Variants in EPC1 observed in about 807,000 individuals in gnomAD.
The protein encoded by EPC1 is enhancer of polycomb homolog 1.
EPC1 carries 12 observed loss-of-function variants against 98.4 expected under a neutral mutation model. The ratio of observed to expected loss-of-function variants is 0.12; its 90% CI spans 0.08 to 0.20. The LOEUF (loss-of-function observed/expected upper bound fraction) is 0.20, where lower values mean the gene tolerates loss of function less well. EPC1 is among the 10% of genes least tolerant of loss of function. EPC1 has a pLI of 1.00. For missense variants in EPC1, 729 were observed against 990.5 expected, an observed-to-expected ratio of 0.74 and a Z score of 3.54; for synonymous variants, 357 against 363.9, an observed-to-expected ratio of 0.98 and a Z score of 0.21.
chr10:32,285,262 G>T, intron 9 of EPC1: 1 of 455,244 alleles, frequency 2.2e-6, no homozygotes, highest in Non-Finnish European at 3.8e-6. Flanking sequence ...TTCAACTAAA[G>T]ATTTTCACTT....
intron 1 of EPC1, among the ~76,000 whole-genome samples, chr10:32,357,918 G>A (rs937396183): frequency 7.3e-6 from 1 of 137,252 alleles, no homozygotes; most frequent in African/African-American, 2.8e-5. Flanking sequence ...GTAATGGCAT[G>A]ATCTCCACTC....
At chr10:32,301,338 A>T (rs373365068) in intron 2 of EPC1, among the ~76,000 whole-genome samples, 2 of 152,352 alleles carry the variant, frequency 1.3e-5, no homozygotes, top group South Asian at 4.1e-4. Context: ...AGATTCACAT[A>T]GAAAAGATGT....
chr10:32,288,386 C>T (rs1449794029), intron 6 of EPC1, among the ~76,000 whole-genome samples: 1 of 147,012 alleles, frequency 6.8e-6, no homozygotes, highest in African/African-American at 2.6e-5. Context: ...GCGGTATCAG[C>T]ACACTGCAAT....
chr10:32,269,360 T>G (rs1564515412), intron 13 of EPC1: 1 of 411,720 alleles, frequency 2.4e-6, no homozygotes. Flanking sequence ...CCATCAAAAT[T>G]ATAGTAGTAC....
intron 2 of EPC1, among the ~76,000 whole-genome samples, chr10:32,296,956 T>C (rs1396067277): frequency 1.3e-5 from 2 of 151,802 alleles, no homozygotes. Context: ...CTTGTTCATA[T>C]ATAGAATACC....
chr10:32,343,024 T>C (rs939618314), intron 1 of EPC1, among the ~76,000 whole-genome samples: 6 of 152,290 alleles, frequency 3.9e-5, no homozygotes, highest in Admixed American at 1.3e-4. Flanking sequence ...AAAGTTAACA[T>C]TGTAAAATAT....
chr10:32,286,803 G>A lies in EPC1; in HGVS notation c.1282C>T (p.Pro428Ser). 1.2e-6 allele frequency: 2 copies of A among 1,613,760 alleles called. No individual in the cohort carries two copies. Among genetic ancestry groups the A allele is most frequent in the South Asian group, 1.1e-5 (1 of 91,066 alleles). The change falls in exon 9 of 14, where the codon CCT becomes TCT. Residue 428 changes from proline to serine, a missense_variant. Physicochemically the swap from Pro to Ser is moderately conservative, Grantham distance 74 (BLOSUM62 -1). Coordinates refer to ENST00000319778, the MANE Select transcript of EPC1 (RefSeq NM_001272004.3). Reference protein sequence around the residue: ...DQTGNWPWTSPKDGGLGDVRY... With the variant: ...DQTGNWPWTSSKDGGLGDVRY... ...ACATCCCCTAATCCTCCATCTTTAG[G>A]ACTAGTCCAAGGCCAGTTGCCAGTT... is the stretch of plus-strand genomic sequence containing the variant.
At chr10:32,275,730 G>A (rs974367225) in intron 10 of EPC1, among the ~76,000 whole-genome samples, 14 of 151,272 alleles carry the variant, frequency 9.3e-5, no homozygotes, top group African/African-American at 3.2e-4. Context: ...AGCCGAGATC[G>A]CGTCACTGCA....
chr10:32,339,389 A>T (rs11008890), intron 1 of EPC1, among the ~76,000 whole-genome samples: 1,986 of 152,116 alleles, frequency 0.013, 50 homozygotes, highest in African/African-American at 0.046. Context: ...ATTAATAATT[A>T]CCTAAATTAG....
chr10:32,346,705 C>T (rs1838849662), intron 1 of EPC1, 58 bp downstream of exon 1: 3 of 1,531,764 alleles, frequency 2.0e-6, no homozygotes, highest in East Asian at 4.6e-5. Flanking sequence ...CCGCCGCCGC[C>T]GCAGGCAGCA....
intron 6 of EPC1, among the ~76,000 whole-genome samples, chr10:32,287,833 G>C (rs892440881): frequency 2.6e-5 from 4 of 152,064 alleles, no homozygotes; most frequent in Admixed American, 2.0e-4. Context: ...TTTCTGAAAT[G>C]GTGACTTTTG....
At chr10:32,330,018 G>C (rs941118028) in intron 1 of EPC1, among the ~76,000 whole-genome samples, 3 of 152,224 alleles carry the variant, frequency 2.0e-5, no homozygotes, top group African/African-American at 7.2e-5. Flanking sequence ...TGGCTGAAGT[G>C]AATTTGAAGG....
intron 1 of EPC1, among the ~76,000 whole-genome samples, chr10:32,306,187 G>GA (rs1473435168): frequency 3.9e-5 from 6 of 152,264 alleles, no homozygotes; most frequent in African/African-American, 1.2e-4. Flanking sequence ...TATATAAAGA[G>GA]ATTCAAAATA....
In EPC1 at chr10:32,284,571, T is replaced by C. The variant is rs77718323; in HGVS notation, c.1744+127A>G. ...TCAAATAAATACTTAGACCAAGATT[T>C]TTTTTTTAACTGTTTAAGAGAAAAG... On this transcript the variant is annotated intron_variant, in intron 10 of 13. Coordinates refer to ENST00000319778, the MANE Select transcript of EPC1 (RefSeq NM_001272004.3). 1.7e-3 allele frequency: 1,234 copies of C among 721,550 alleles called. 8 individuals are homozygous for C. In the African/African-American group the frequency reaches 0.02, roughly 12 times the overall value. 44.7% of individuals were successfully genotyped at this position (721,550 alleles called of 1,614,324 possible).
At chr10:32,278,041 G>C (rs978572979) in intron 10 of EPC1, among the ~76,000 whole-genome samples, 1 of 152,138 alleles carries the variant, frequency 6.6e-6, no homozygotes. Flanking sequence ...GGGTGCTAAG[G>C]AAACATTCAG....
chr10:32,286,144 T>G (rs368463575), intron 9 of EPC1: 1 of 152,482 alleles, frequency 6.6e-6, no homozygotes, highest in Admixed American at 6.5e-5. Context: ...CTCCATTCCT[T>G]GAGTTTATGT....
intron 1 of EPC1, among the ~76,000 whole-genome samples, chr10:32,330,304 G>A (rs1294319135): frequency 6.6e-6 from 1 of 152,126 alleles, no homozygotes; most frequent in African/African-American, 2.4e-5. Flanking sequence ...TGAAATATTT[G>A]GAACTTATTT....
chr10:32,274,398 A>G (rs1835980276), intron 10 of EPC1, among the ~76,000 whole-genome samples: 1 of 152,186 alleles, frequency 6.6e-6, no homozygotes, highest in Non-Finnish European at 1.5e-5. Flanking sequence ...TCACTTATAT[A>G]ACTCATGAAG....
At chr10:32,324,103 T>G (rs537824225) in intron 1 of EPC1, among the ~76,000 whole-genome samples, 1 of 151,594 alleles carries the variant, frequency 6.6e-6, no homozygotes, top group Non-Finnish European at 1.5e-5. Context: ...GCCTGGCTAA[T>G]TTTTTTGTAT....
Sources: allele counts gnomAD v4.1 joint callset (sites outside exome capture counted in the v4.1 genomes callset), GRCh38; gene constraint gnomAD v4.1.1; transcripts MANE v1.5; gene names NCBI Gene and HGNC (gene_info 2026-07-23, HGNC 2026-07-21).